The following SPTB variants were observed in gnomAD, a reference collection of about 807,000 sequenced individuals.
SPTB encodes the protein spectrin beta, erythrocytic.
In SPTB, 45 loss-of-function variants were observed where a neutral mutation model predicts 256.2. The observed-to-expected ratio is 0.18, with a 90% CI of 0.14 to 0.23. SPTB has a LOEUF of 0.23. Ranked by LOEUF, SPTB falls within the 10% of genes least tolerant of loss-of-function variation. SPTB has a pLI of 1.00. For synonymous variants in SPTB, 1,231 were observed against 1,243.1 expected (o/e 0.99, Z 0.21); for missense variants, 2,715 against 3,040.4 (o/e 0.89, Z 2.52).
intron 1 of SPTB, among the ~76,000 whole-genome samples, chr14:64,875,447 C>T (rs1321433569): frequency 1.3e-5 from 2 of 152,132 alleles, no homozygotes; most frequent in South Asian, 2.1e-4. Context: ...GTTGGCAATC[C>T]GTGAGCAGAG....
At chr14:64,757,021 G>C (rs1594742677) in intron 32 of SPTB, 1 of 152,358 alleles carries the variant, frequency 6.6e-6, no homozygotes, top group East Asian at 1.9e-4. Context: ...GCTCTGACTT[G>C]GGTATACATC....
chr14:64,835,234 C>T (rs777319362), intron 1 of SPTB, among the ~76,000 whole-genome samples: 4 of 152,114 alleles, frequency 2.6e-5, no homozygotes, highest in Non-Finnish European at 5.9e-5. Context: ...AGTCCAGCTT[C>T]TTCAGGCCCT....
At chr14:64,831,054 G>A (rs2083445313) in intron 1 of SPTB, among the ~76,000 whole-genome samples, 1 of 152,132 alleles carries the variant, frequency 6.6e-6, no homozygotes, top group Admixed American at 6.5e-5. Flanking sequence ...ATCCCCCACT[G>A]CTTCTTTTCC....
rs117224833 is a variant in SPTB, at chr14:64,802,367, T to C, written c.475-50A>G. 3,010 of 1,572,378 alleles carry C rather than the reference T, an allele frequency of 1.9e-3. 3 individuals are homozygous for C. The highest frequency in any genetic ancestry group is 2.4e-3 in the Non-Finnish European group (2,778 of 1,146,508). The stretch of plus-strand genomic sequence containing the variant: ...TTTGAAGAGGATGTGCATCTGGATC[T>C]GTGCTTTCCTGCCGTCCCTGGGAGG... On this transcript the variant is annotated intron_variant, in intron 4 of 35. Coordinates refer to ENST00000644917, the MANE Select transcript of SPTB (RefSeq NM_001355436.2). This position sits in a 1 kb window ranked among gnomAD's most constrained non-coding sequence, Gnocchi z 5.1.
intron 1 of SPTB, among the ~76,000 whole-genome samples, chr14:64,835,663 C>T (rs1266788469): frequency 6.6e-6 from 1 of 152,202 alleles, no homozygotes; most frequent in Non-Finnish European, 1.5e-5. Context: ...TAGTTACCAG[C>T]TCCTGCTGTC....
Position 64,797,711 on chromosome 14 carries a change from C to T in SPTB, c.1182+18G>A, listed in dbSNP as rs184108066. The T allele has an allele frequency of 1.3e-4, 200 of 1,564,830 alleles. 1 individual carries two copies. The highest frequency in any genetic ancestry group is 1.3e-4 in the Admixed American group (8 of 59,954). ...CAATCAATCTACTGTCAATGCATAACGGAAAATGCTGTGGTACCCTGTTGA... is the reference window on the plus strand; with the variant it reads ...CAATCAATCTACTGTCAATGCATAATGGAAAATGCTGTGGTACCCTGTTGA... On this transcript the variant is annotated intron_variant, in intron 10 of 35. Coordinates refer to ENST00000644917, the MANE Select transcript of SPTB (RefSeq NM_001355436.2).
Position 64,787,260 on chromosome 14 carries a change from TCCCC to T in SPTB, c.2805-104_2805-101del, listed in dbSNP as rs1057433979. 54 of 1,474,986 alleles carry T rather than the reference TCCCC, an allele frequency of 3.7e-5. No individual in the cohort carries two copies. The Middle Eastern group carries it at 8.9e-4, about 24-fold the overall frequency. The allele number at this position is 1,474,986 out of a possible 1,614,324, so 91.4% of individuals were successfully genotyped here. A position where few individuals can be genotyped will look rare whatever the true frequency, so the allele number is the denominator to read the frequency against. ...CCCCTTCCCACATTTCCCACAAGTC[TCCCC>T]CCACAGACTTTGTATGATAAAAAGA... is the stretch of plus-strand genomic sequence containing the variant. On this transcript the variant is annotated intron_variant, in intron 15 of 35. Transcript: ENST00000644917.
intron 15 of SPTB, among the ~76,000 whole-genome samples, chr14:64,791,473 CAAG>C (rs1372140141): frequency 3.7e-5 from 5 of 136,534 alleles, no homozygotes; most frequent in African/African-American, 8.3e-5. Flanking sequence ...GGCTGAGGAA[CAAG>C]AATAGCTTGA....
rs1566729212 is a variant in SPTB, at chr14:64,749,262, G to A, written c.*44C>T. On this transcript the variant is annotated 3_prime_UTR_variant, in exon 36 of 36. Coordinates refer to ENST00000644917, the MANE Select transcript of SPTB (RefSeq NM_001355436.2). This position sits in a 1 kb window ranked among gnomAD's most constrained non-coding sequence, Gnocchi z 4.7. ...AGGAGGCCAAGGCCTGGGCTGCCCG[G>A]TCTCTGCGCGTCCCGACTCCGCCGC... The A allele has an allele frequency of 6.5e-7, 1 of 1,541,118 alleles. No individual in the cohort carries two copies. The highest frequency in any genetic ancestry group is 8.7e-7 in the Non-Finnish European group (1 of 1,148,452).
At chr14:64,850,285 A>C (rs1305139734) in intron 1 of SPTB, among the ~76,000 whole-genome samples, 1 of 152,202 alleles carries the variant, frequency 6.6e-6, no homozygotes, top group Non-Finnish European at 1.5e-5. Context: ...AGTGGCCTCC[A>C]AAGGAGTGGT....
rs781399563 is a variant in SPTB at position 64,750,164 on chromosome 14, T to C, written c.6603-10A>G. On this transcript the variant is annotated splice_polypyrimidine_tract_variant and intron_variant, in intron 33 of 35. Transcript: ENST00000644917. Reference sequence around the variant, plus strand: ...CAGGTTGTTCCAGGACCTGCAAAGATGCAGACAGGCAGGTCACCCACATCC... The same window carrying C: ...CAGGTTGTTCCAGGACCTGCAAAGACGCAGACAGGCAGGTCACCCACATCC... 6.2e-7 allele frequency: 1 copy of C among 1,609,126 alleles called. No homozygotes were observed. Among genetic ancestry groups the C allele is most frequent in the African/African-American group, 1.3e-5 (1 of 74,954 alleles).
At chr14:64,794,677 G>A in intron 12 of SPTB, 60 bp from the exon 13 acceptor site, 1 of 1,606,016 alleles carries the variant, frequency 6.2e-7, no homozygotes, top group Non-Finnish European at 8.5e-7. Context: ...CACATTAGGA[G>A]AAGAGACCCC....
Position 64,806,141 on chromosome 14 carries a change from G to A in SPTB, c.149-1051C>T, listed in dbSNP as rs2285004. On this transcript the variant is annotated intron_variant, in intron 2 of 35. Transcript: ENST00000644917. The surrounding 1 kb of genome is among the most constrained non-coding windows in gnomAD (Gnocchi z 4.1). ...AGACTGGGATGGCACAAAAAAAAGA[G>A]AGAGAAAAGGATAGAGGAGGGGAGA... Among the ~76,000 whole-genome samples the A allele has an allele frequency of 0.17, 26,124 of 150,514 alleles. 3,354 individuals are homozygous for A. Among genetic ancestry groups the A allele is most frequent in the African/African-American group, 0.36 (14,459 of 40,556 alleles).
At chr14:64,830,009 G>A (rs553991993) in intron 1 of SPTB, among the ~76,000 whole-genome samples, 2 of 152,110 alleles carry the variant, frequency 1.3e-5, no homozygotes, top group African/African-American at 4.8e-5. Flanking sequence ...TCATTCCTCA[G>A]ATCTCTTCTC....
chr14:64,830,719 C>T (rs1391484038), intron 1 of SPTB, among the ~76,000 whole-genome samples: 1 of 152,104 alleles, frequency 6.6e-6, no homozygotes, highest in Non-Finnish European at 1.5e-5. Context: ...CTGCACGGCC[C>T]CTCATGCTGA....
At chr14:64,850,223 C>G (rs1053755128) in intron 1 of SPTB, among the ~76,000 whole-genome samples, 2 of 152,196 alleles carry the variant, frequency 1.3e-5, no homozygotes, top group African/African-American at 4.8e-5. Context: ...GGATGCCTTA[C>G]TCAGTGCATC....
chr14:64,752,187 G>A (rs1239345842), intron 33 of SPTB: 1 of 1,345,086 alleles, frequency 7.4e-7, no homozygotes, highest in Admixed American at 1.9e-5. Flanking sequence ...TAACAGGTGG[G>A]CTAGCCCGAG....
intron 15 of SPTB, among the ~76,000 whole-genome samples, chr14:64,788,423 G>A (rs1303384885): frequency 6.6e-6 from 1 of 152,166 alleles, no homozygotes; most frequent in Non-Finnish European, 1.5e-5. Context: ...ATAAGAGACA[G>A]GCTGGGAGAG....
chr14:64,749,743 G>A lies in SPTB; in HGVS notation c.6777-47C>T, dbSNP rs779638446. 8.1e-6 allele frequency: 13 copies of A among 1,603,904 alleles called. No homozygotes were observed. In the East Asian group the frequency reaches 1.6e-4, roughly 19 times the overall value. Reference sequence around the variant, plus strand: ...TGTCATGGAGACACCTCTGGAGGGGGCGCTGGGCAGAGGGCTGGCTCTGAT... The same window carrying A: ...TGTCATGGAGACACCTCTGGAGGGGACGCTGGGCAGAGGGCTGGCTCTGAT... On this transcript the variant is annotated intron_variant, in intron 34 of 35. Coordinates refer to ENST00000644917, the MANE Select transcript of SPTB (RefSeq NM_001355436.2). This position sits in a 1 kb window ranked among gnomAD's most constrained non-coding sequence, Gnocchi z 4.7.
Sources: allele counts gnomAD v4.1 joint callset (sites outside exome capture counted in the v4.1 genomes callset), GRCh38; gene constraint gnomAD v4.1.1; non-coding constraint Gnocchi (gnomAD v3.1); transcripts MANE v1.5; gene names NCBI Gene and HGNC (gene_info 2026-07-23, HGNC 2026-07-21).